TDRD5: variants seen among roughly 807,000 people sequenced by gnomAD.
TDRD5 encodes tudor domain containing 5.
A neutral mutation model predicts 120.6 loss-of-function variants in TDRD5; 41 were observed. The ratio of observed to expected loss-of-function variants is 0.34; its 90% CI spans 0.26 to 0.44. TDRD5 has a LOEUF of 0.44. Ranked by LOEUF, TDRD5 falls within the 20% of genes least tolerant of loss-of-function variation. TDRD5 has a pLI of 1.00. For synonymous variants in TDRD5, 430 were observed against 433.7 expected, an observed-to-expected ratio of 0.99 and a Z score of 0.11; for missense variants, 1,006 against 1,221.2, an observed-to-expected ratio of 0.82 and a Z score of 2.63.
At chr1:179,659,580 T>A (rs1038171145) in intron 14 of TDRD5, among the ~76,000 whole-genome samples, 144 of 144,470 alleles carry the variant, frequency 1.0e-3, no homozygotes, top group African/African-American at 3.4e-3. Context: ...TGTGTGTGTG[T>A]GTGTGTGTGT....
intron 4 of TDRD5, among the ~76,000 whole-genome samples, chr1:179,599,812 A>G (rs918345382): frequency 6.6e-6 from 1 of 152,226 alleles, no homozygotes; most frequent in South Asian, 2.1e-4. Flanking sequence ...CCACAAAATT[A>G]TAACAGAACT....
chr1:179,682,384 T>C lies in TDRD5; in HGVS notation c.2861-8312T>C, dbSNP rs1251180933. On this transcript the variant is annotated intron_variant, in intron 17 of 17. Coordinates refer to ENST00000444136, the MANE Select transcript of TDRD5 (RefSeq NM_001199085.3). ...ACATTAGGTATTTGTCTTAATGCTA[T>C]CCCTTCCCTTGCCCCCCACCCACCA... Among the ~76,000 whole-genome samples the C allele has an allele frequency of 4.6e-5, 7 of 152,152 alleles. No individual in the cohort carries two copies. In the East Asian group the frequency reaches 1.4e-3, roughly 29 times the overall value.
Position 179,654,236 on chromosome 1 carries a change from T to C in TDRD5, c.2196T>C (p.Leu732=), listed in dbSNP as rs771778973. Residue 732 remains leucine, a synonymous_variant, in exon 14 of 18, where the codon CTT becomes CTC. Transcript: ENST00000444136. Reference sequence around the variant, plus strand: ...ATGATGAAAAGTCTTTAAGTCATCTTAAATCTGAGTCAAAGGAGCCATTAA... The same window carrying C: ...ATGATGAAAAGTCTTTAAGTCATCTCAAATCTGAGTCAAAGGAGCCATTAA... The part of the protein sequence containing the change: ...DINDEKSLSH[L]KSESKEPLKD... The C allele has an allele frequency of 6.5e-7, 1 of 1,548,396 alleles. No homozygotes were observed. Among genetic ancestry groups the C allele is most frequent in the Non-Finnish European group, 8.7e-7 (1 of 1,145,854 alleles).
Position 179,675,273 on chromosome 1 carries a change from A to ATTAT in TDRD5, c.2860+5871_2860+5872insATTT, listed in dbSNP as rs1444171268. Among the ~76,000 whole-genome samples the ATTAT allele has an allele frequency of 2.9e-3, 191 of 66,612 alleles. 5 individuals carry two copies. The highest frequency in any genetic ancestry group is 9.3e-3 in the African/African-American group (173 of 18,612). The allele number at this position is 66,612 out of a possible 152,430, so 43.7% of individuals were successfully genotyped here. ...AAGAATTTTTATTATTATTATTATT[A>ATTAT]TTTTTTTTTTTTTTTTTTTTTTTTG... On this transcript the variant is annotated intron_variant, in intron 17 of 17. Coordinates refer to ENST00000444136, the MANE Select transcript of TDRD5 (RefSeq NM_001199085.3).
At chr1:179,592,975 C>A in intron 2 of TDRD5, 128 bp downstream of exon 2, 1 of 958,308 alleles carries the variant, frequency 1.0e-6, no homozygotes, top group Non-Finnish European at 1.5e-6. Context: ...GGGAGGGAGA[C>A]TCATAGGTGC....
At chr1:179,603,543 A>G (rs1410024558) in intron 4 of TDRD5, among the ~76,000 whole-genome samples, 1 of 152,158 alleles carries the variant, frequency 6.6e-6, no homozygotes, top group Non-Finnish European at 1.5e-5. Context: ...ACATTGAGCT[A>G]TGTCCCTTGT....
At chr1:179,673,026 A>G (rs1679935990) in intron 17 of TDRD5, among the ~76,000 whole-genome samples, 1 of 151,982 alleles carries the variant, frequency 6.6e-6, no homozygotes, top group Non-Finnish European at 1.5e-5. Flanking sequence ...AAGTCAGGTA[A>G]TGTGATGTCT....
At chr1:179,594,838 C>G (rs1313653212) in intron 3 of TDRD5, among the ~76,000 whole-genome samples, 4 of 152,318 alleles carry the variant, frequency 2.6e-5, no homozygotes, top group African/African-American at 7.2e-5. Flanking sequence ...GTCTAGCCCT[C>G]AACTTTATCA....
intron 16 of TDRD5, among the ~76,000 whole-genome samples, chr1:179,666,341 A>G (rs1298868832): frequency 6.6e-6 from 1 of 152,212 alleles, no homozygotes; most frequent in South Asian, 2.1e-4. Context: ...CACTGATTTA[A>G]ATAGTTCTGA....
chr1:179,632,787 A>T (rs1257928094), intron 7 of TDRD5, among the ~76,000 whole-genome samples: 2 of 152,130 alleles, frequency 1.3e-5, no homozygotes, highest in African/African-American at 2.4e-5. Context: ...ATTTTCCTCA[A>T]CTTATGATGG....
chr1:179,595,941 GACTA>G (rs1056285232), intron 4 of TDRD5, 123 bp downstream of exon 4: 5 of 977,818 alleles, frequency 5.1e-6, no homozygotes, highest in South Asian at 2.2e-5. Context: ...TTTCAAATTT[GACTA>G]AGCATTTCCT....
At chr1:179,593,314 A>C (rs1233467209) in intron 2 of TDRD5, 146 bp from the exon 3 acceptor site, 10 of 904,498 alleles carry the variant, frequency 1.1e-5, no homozygotes, top group African/African-American at 3.4e-5. Context: ...AAATGCAAGA[A>C]ATCGAGGAAC....
At chr1:179,688,082 T>C (rs2147828290) in intron 17 of TDRD5, among the ~76,000 whole-genome samples, 1 of 152,318 alleles carries the variant, frequency 6.6e-6, no homozygotes, top group Non-Finnish European at 1.5e-5. Context: ...TTTGATCCTG[T>C]CATTATGATG....
At chr1:179,621,810 A>G (rs945298853) in intron 6 of TDRD5, among the ~76,000 whole-genome samples, 3 of 152,180 alleles carry the variant, frequency 2.0e-5, no homozygotes, top group African/African-American at 4.8e-5. Flanking sequence ...AGCATCTTTC[A>G]TATTGGCATA....
rs1675134080 is a variant in TDRD5, at chr1:179,592,011, C to T, written c.-129C>T. 6.5e-6 allele frequency: 1 copy of T among 152,728 alleles called. No individual in the cohort carries two copies. The highest frequency in any genetic ancestry group is 2.1e-4 in the South Asian group (1 of 4,838). 9.5% of individuals were successfully genotyped at this position (152,728 alleles called of 1,614,324 possible). Reference sequence around the variant, plus strand: ...GCCTCACCTGGCGCCTCCTGCCTTCCTTTCCACCTCAGGTTGCAGAGAGCC... The same window carrying T: ...GCCTCACCTGGCGCCTCCTGCCTTCTTTTCCACCTCAGGTTGCAGAGAGCC... On this transcript the variant is annotated 5_prime_UTR_variant, in exon 1 of 18. Coordinates refer to ENST00000444136, the MANE Select transcript of TDRD5 (RefSeq NM_001199085.3).
intron 12 of TDRD5, among the ~76,000 whole-genome samples, chr1:179,651,493 T>C (rs997648290): frequency 2.0e-5 from 3 of 151,884 alleles, no homozygotes; most frequent in Non-Finnish European, 4.4e-5. Context: ...AAAAGTTATC[T>C]GAAACTGTCC....
chr1:179,632,211 CTTCT>C (rs1432782211), intron 7 of TDRD5, among the ~76,000 whole-genome samples: 1 of 151,870 alleles, frequency 6.6e-6, no homozygotes, highest in African/African-American at 2.4e-5. Context: ...CGGCCGTGAC[CTTCT>C]TTTTCTTTTG....
intron 17 of TDRD5, among the ~76,000 whole-genome samples, chr1:179,671,540 T>G (rs1679853921): frequency 6.6e-6 from 1 of 152,186 alleles, no homozygotes; most frequent in Non-Finnish European, 1.5e-5. Context: ...ATGTATAATT[T>G]TCATAAAATA....
chr1:179,621,756 A>T (rs1676856780), intron 6 of TDRD5, among the ~76,000 whole-genome samples: 1 of 152,204 alleles, frequency 6.6e-6, no homozygotes, highest in Non-Finnish European at 1.5e-5. Flanking sequence ...TTTTAAAAAG[A>T]TAAGTCCTAT....
Sources: gnomAD v4.1 joint callset for allele counts (sites outside exome capture counted in the v4.1 genomes callset) on GRCh38, gnomAD v4.1.1 for gene constraint, MANE v1.5 for transcripts, NCBI Gene and HGNC (gene_info 2026-07-23, HGNC 2026-07-21) for gene names.